EEA1: variants seen among roughly 807,000 people sequenced by gnomAD.
The protein encoded by EEA1 is early endosome antigen 1, 162kD.
Under a neutral mutation model 209.2 loss-of-function variants are expected in EEA1, and 111 were observed. That is an observed-to-expected ratio of 0.53 (90% CI 0.45 to 0.62). The LOEUF is 0.62. Ranked by LOEUF, EEA1 falls within the 20% of genes least tolerant of loss-of-function variation. The pLI is 0.00. For synonymous variants in EEA1, 536 were observed against 540.6 expected (o/e 0.99, Z 0.12); for missense variants, 1,343 against 1,530.8 (o/e 0.88, Z 2.05).
At chr12:92,920,278 C>T (rs562380991) in intron 1 of EEA1, among the ~76,000 whole-genome samples, 9,387 of 103,038 alleles carry the variant, frequency 0.091, 979 homozygotes, top group Non-Finnish European at 0.11. Flanking sequence ...AAAAAAGAGC[C>T]CGCATCGCCA....
intron 22 of EEA1, among the ~76,000 whole-genome samples, chr12:92,787,440 A>G (rs2136654778): frequency 6.6e-6 from 1 of 152,216 alleles, no homozygotes; most frequent in African/African-American, 2.4e-5. Context: ...ATAATCTCCT[A>G]ATTTTAATCA....
intron 7 of EEA1, among the ~76,000 whole-genome samples, chr12:92,852,602 C>T (rs1320569164): frequency 6.6e-6 from 1 of 152,028 alleles, no homozygotes; most frequent in African/African-American, 2.4e-5. Context: ...TACATTTATA[C>T]TACATTATTT....
chr12:92,827,839 T>C, intron 12 of EEA1, 73 bp downstream of exon 12: 1 of 1,385,186 alleles, frequency 7.2e-7, no homozygotes. Flanking sequence ...GCTTTGACAA[T>C]TAACAGATTG....
Position 92,809,106 on chromosome 12 carries a change from C to A in EEA1, c.2250G>T (p.Leu750Phe). ...GCTGTCTTTGCTGTTGTAGATCTTG[C>A]AAAGCCTGCTCCTTGCTTGCTTTAA... ...LEVKASKEQALQDLQQQRQLN... is the reference protein window; with the variant it reads ...LEVKASKEQAFQDLQQQRQLN... Residue 750 changes from leucine (L) to phenylalanine (F), a missense_variant, in exon 18 of 29, where the codon TTG becomes TTT. Leu to Phe is a conservative substitution (Grantham distance 22). Transcript: ENST00000322349. 3.1e-6 allele frequency: 5 copies of A among 1,605,414 alleles called. No homozygotes were observed. Among genetic ancestry groups the A allele is most frequent in the Non-Finnish European group, 4.3e-6 (5 of 1,175,376 alleles).
intron 1 of EEA1, among the ~76,000 whole-genome samples, chr12:92,902,205 GAATTTCA>G (rs1031346817): frequency 1.3e-5 from 2 of 151,910 alleles, no homozygotes; most frequent in Non-Finnish European, 2.9e-5. Context: ...ACAAAAAAAA[GAATTTCA>G]AATATTATTA....
intron 1 of EEA1, among the ~76,000 whole-genome samples, chr12:92,911,285 T>C (rs1004808721): frequency 6.6e-6 from 1 of 152,184 alleles, no homozygotes; most frequent in Non-Finnish European, 1.5e-5. Context: ...CCAGACAATA[T>C]TCTCCAGCGT....
At chr12:92,831,684 T>C (rs1314131237) in intron 11 of EEA1, among the ~76,000 whole-genome samples, 1 of 148,562 alleles carries the variant, frequency 6.7e-6, no homozygotes, top group Non-Finnish European at 1.5e-5. Context: ...CATATATTAT[T>C]TACCTATACA....
At chr12:92,884,301 G>C in intron 2 of EEA1, 1 of 1,372,658 alleles carries the variant, frequency 7.3e-7, no homozygotes, top group Non-Finnish European at 1.0e-6. Flanking sequence ...TGTGAAGTTA[G>C]GAAAGCCCTG....
At chr12:92,879,223 T>G in intron 2 of EEA1, 1 of 301,846 alleles carries the variant, frequency 3.3e-6, no homozygotes, top group Non-Finnish European at 6.4e-6. Flanking sequence ...TTTTTGTATT[T>G]TGGAATATTT....
At position 92,832,625 on chromosome 12, in the gene EEA1, ATTC is replaced by A. The variant is rs1876708947; in HGVS notation, c.1138_1140del (p.Glu380del). ...TGGTACTTGGTCTCTACCTCAGATA[ATTC>A]TTCTTTGAGCTTTTGAGTAGCTTCT... On this transcript the variant is annotated inframe_deletion, in exon 11 of 29. Coordinates refer to ENST00000322349, the MANE Select transcript of EEA1 (RefSeq NM_003566.4). 1 of 1,614,010 alleles carries A rather than the reference ATTC, an allele frequency of 6.2e-7. No homozygotes were observed. Among genetic ancestry groups the A allele is most frequent in the Non-Finnish European group, 8.5e-7 (1 of 1,179,976 alleles).
chr12:92,802,633 T>C lies in EEA1; in HGVS notation c.2441A>G (p.Gln814Arg). Residue 814 changes from glutamine to arginine, a missense_variant, in exon 19 of 29, where the codon CAA becomes CGA. Physicochemically the swap from Gln to Arg is conservative, Grantham distance 43. Transcript: ENST00000322349. ...TTCTTGACTTAAAGTTTCAAAATCT[T>C]GTTTCAGGATTTTTTTTTCTTCCTC... ...KQEEEKKILK[Q>R]DFETLSQETK... is the part of the protein sequence containing the mutation. The C allele has an allele frequency of 6.2e-7, 1 of 1,605,354 alleles. No individual in the cohort carries two copies. Among genetic ancestry groups the C allele is most frequent in the African/African-American group, 1.3e-5 (1 of 74,214 alleles).
At chr12:92,795,630 C>T (rs2136661758) in intron 21 of EEA1, among the ~76,000 whole-genome samples, 1 of 152,266 alleles carries the variant, frequency 6.6e-6, no homozygotes, top group Middle Eastern at 3.4e-3. Context: ...TTCAAGAAAG[C>T]TAGGAGACAG....
In EEA1 at chr12:92,787,849, C is replaced by A; in HGVS notation, c.3150+18G>T. On this transcript the variant is annotated intron_variant, in intron 22 of 28. Coordinates refer to ENST00000322349, the MANE Select transcript of EEA1 (RefSeq NM_003566.4). ...TAAAACTTACTGAGACTTTATGGTA[C>A]AGTATAGTTTACTATACCTTAAGAT... The A allele has an allele frequency of 6.5e-7, 1 of 1,538,564 alleles. No individual in the cohort carries two copies. Among genetic ancestry groups the A allele is most frequent in the Non-Finnish European group, 8.7e-7 (1 of 1,143,810 alleles).
chr12:92,837,027 A>G (rs1876957998), intron 10 of EEA1, among the ~76,000 whole-genome samples: 1 of 151,856 alleles, frequency 6.6e-6, no homozygotes. Flanking sequence ...AGGCTGAGGC[A>G]AGAGAATCAC....
Position 92,812,879 on chromosome 12 carries a change from T to G in EEA1, c.2043+101A>C, listed in dbSNP as rs11106708. ...AAATTAAGGGGGATAAGCAAGTCTA[T>G]CACAAGATTATACAAAACTGGGTAT... is the stretch of plus-strand genomic sequence containing the variant. On this transcript the variant is annotated intron_variant, in intron 16 of 28. Coordinates refer to ENST00000322349, the MANE Select transcript of EEA1 (RefSeq NM_003566.4). 4.1e-4 allele frequency: 305 copies of G among 737,514 alleles called. No homozygotes were observed. In the African/African-American group the frequency reaches 5.1e-3, roughly 12 times the overall value. The allele number at this position is 737,514 out of a possible 1,614,324, so 45.7% of individuals were successfully genotyped here. A position where few individuals can be genotyped will look rare whatever the true frequency, so the allele number is the denominator to read the frequency against.
intron 9 of EEA1, among the ~76,000 whole-genome samples, chr12:92,842,852 T>C (rs1277864544): frequency 1.3e-5 from 2 of 152,204 alleles, no homozygotes; most frequent in African/African-American, 4.8e-5. Flanking sequence ...AGTATCAAAT[T>C]GCAAACCTAA....
chr12:92,901,052 T>A (rs1880121372), intron 1 of EEA1, among the ~76,000 whole-genome samples: 1 of 152,176 alleles, frequency 6.6e-6, no homozygotes, highest in Non-Finnish European at 1.5e-5. Flanking sequence ...AACTTCACAC[T>A]ACGATGGTAT....
intron 22 of EEA1, among the ~76,000 whole-genome samples, chr12:92,783,953 T>C (rs1276362224): frequency 6.6e-6 from 1 of 151,900 alleles, no homozygotes; most frequent in Non-Finnish European, 1.5e-5. Context: ...TAAATAAAGA[T>C]CTTATTTATG....
At chr12:92,880,886 T>C (rs1191501924) in intron 2 of EEA1, among the ~76,000 whole-genome samples, 1 of 152,094 alleles carries the variant, frequency 6.6e-6, no homozygotes, top group Non-Finnish European at 1.5e-5. Context: ...ATAAAACAAA[T>C]GTAAGAAGAC....
Sources: gnomAD v4.1 joint callset for allele counts (sites outside exome capture counted in the v4.1 genomes callset) on GRCh38, gnomAD v4.1.1 for gene constraint, MANE v1.5 for transcripts, NCBI Gene and HGNC (gene_info 2026-07-23, HGNC 2026-07-21) for gene names.